Variants in TBL1X observed in about 807,000 individuals in gnomAD.
TBL1X encodes the protein F-box-like/WD repeat-containing protein TBL1X.
In TBL1X, 10 loss-of-function variants were observed where a neutral mutation model predicts 50.7. That is an observed-to-expected ratio of 0.20 (90% CI 0.12 to 0.33). TBL1X has a LOEUF of 0.33. TBL1X is among the 10% of genes least tolerant of loss of function. TBL1X has a pLI of 1.00. For synonymous variants in TBL1X, 190 were observed against 214.7 expected (o/e 0.88, Z 1.01); for missense variants, 340 against 504.4 (o/e 0.67, Z 3.12).
chrX:9,555,631 A>G (rs760242197), intron 2 of TBL1X, among the ~76,000 whole-genome samples: 19 of 111,627 alleles, frequency 1.7e-4, no homozygotes, highest in East Asian at 8.5e-4. Context: ...GCTGCTTTCT[A>G]TAGTGGCTGC....
At chrX:9,492,741 G>C (rs1223938496) in intron 1 of TBL1X, among the ~76,000 whole-genome samples, 2 of 110,217 alleles carry the variant, frequency 1.8e-5, no homozygotes, top group Non-Finnish European at 3.8e-5. Context: ...GTATGCCTCT[G>C]TACCAAGACG....
intron 1 of TBL1X, among the ~76,000 whole-genome samples, chrX:9,474,934 C>T (rs1459052449): frequency 3.6e-5 from 4 of 112,355 alleles, no homozygotes; most frequent in East Asian, 5.6e-4. Flanking sequence ...AGTGTAGTGG[C>T]GTGATCTCAG....
chrX:9,674,677 TCAGCCCCCCC>T (rs2082981251), intron 5 of TBL1X, among the ~76,000 whole-genome samples: 1 of 1,903 alleles, frequency 5.3e-4, no homozygotes, highest in Admixed American at 7.7e-3. Flanking sequence ...TCCTCCCGCC[TCAGCCCCCCC>T]CCCCCCCCCC....
intron 5 of TBL1X, among the ~76,000 whole-genome samples, chrX:9,657,043 T>G (rs1450498589): frequency 8.9e-6 from 1 of 112,395 alleles, no homozygotes; most frequent in Non-Finnish European, 1.9e-5. Flanking sequence ...AGAAGATGAT[T>G]CATTCCTCAG....
At chrX:9,653,518 G>A in intron 3 of TBL1X, 27 bp from the exon 4 acceptor site, 4 of 950,121 alleles carry the variant, frequency 4.2e-6, no homozygotes, top group Non-Finnish European at 5.8e-6. Flanking sequence ...GGTGCTCCCT[G>A]CCTTCTGTGT....
chrX:9,639,632 G>T (rs2082764965), intron 2 of TBL1X, among the ~76,000 whole-genome samples: 1 of 112,473 alleles, frequency 8.9e-6, no homozygotes, highest in Non-Finnish European at 1.9e-5. Context: ...AGAAATGTCT[G>T]AAGAGTAAAT....
chrX:9,663,760 CAAAAA>C (rs57927750), intron 5 of TBL1X, among the ~76,000 whole-genome samples: 1 of 39,302 alleles, frequency 2.5e-5, no homozygotes, highest in Middle Eastern at 0.018. Context: ...GATTCTGTCT[CAAAAA>C]AAAAAAAAAA....
At chrX:9,650,615 G>A (rs758965369) in intron 3 of TBL1X, among the ~76,000 whole-genome samples, 2 of 111,576 alleles carry the variant, frequency 1.8e-5, no homozygotes, top group South Asian at 3.7e-4. Flanking sequence ...GATTCATGCC[G>A]GTCCCACTAG....
chrX:9,684,598 T>TAAAAAAAAAAAAAAAAAA (rs3043994), intron 6 of TBL1X, among the ~76,000 whole-genome samples: 1 of 51,269 alleles, frequency 2.0e-5, no homozygotes, highest in Non-Finnish European at 3.1e-5. Flanking sequence ...TCTCTAAAAT[T>TAAAAAAAAAAAAAAAAAA]AAAAAAAAAA....
chrX:9,569,154 GTGTGTGTGGTATGCTA>G (rs2082370271), intron 2 of TBL1X, among the ~76,000 whole-genome samples: 1 of 106,003 alleles, frequency 9.4e-6, no homozygotes, highest in Non-Finnish European at 1.9e-5. Context: ...GCAGTGTGCT[GTGTGTGTGGTATGCTA>G]TGTGTGTTGT....
chrX:9,473,371 C>G (rs747559122), intron 1 of TBL1X, among the ~76,000 whole-genome samples: 1 of 111,921 alleles, frequency 8.9e-6, no homozygotes, highest in Admixed American at 9.5e-5. Flanking sequence ...GATAAAAACT[C>G]AAGAATTCAA....
intron 2 of TBL1X, among the ~76,000 whole-genome samples, chrX:9,543,025 G>A (rs2082223080): frequency 8.9e-6 from 1 of 112,171 alleles, no homozygotes; most frequent in African/African-American, 3.2e-5. Flanking sequence ...CATGTCACCT[G>A]CCCCGGACTC....
intron 2 of TBL1X, among the ~76,000 whole-genome samples, chrX:9,608,636 C>A (rs1410334750): frequency 8.9e-6 from 1 of 112,327 alleles, no homozygotes; most frequent in African/African-American, 3.2e-5. Context: ...TCCCTTGAGG[C>A]AATCTGTCTT....
Position 9,705,052 on chromosome X carries a change from A to G in TBL1X, c.1174A>G (p.Met392Val). Residue 392 changes from methionine to valine, a missense_variant, in exon 13 of 18, where the codon ATG becomes GTG. Transcript: ENST00000645353. ...GACCTTTGCCTCCTGTAGCACAGAC[A>G]TGTGTATCCATGTGTGCAGGCTCGG... ...NTTFASCSTD[M>V]CIHVCRLGCD... 2 of 1,211,965 alleles carry G rather than the reference A, an allele frequency of 1.7e-6. No individual in the cohort carries two copies. Among genetic ancestry groups the G allele is most frequent in the Non-Finnish European group, 2.2e-6 (2 of 895,618 alleles).
At chrX:9,689,720 A>T (rs1240037777) in intron 7 of TBL1X, among the ~76,000 whole-genome samples, 1 of 112,719 alleles carries the variant, frequency 8.9e-6, no homozygotes, top group African/African-American at 3.2e-5. Context: ...GCCTGGAGTT[A>T]CCAGGCCCCC....
intron 5 of TBL1X, among the ~76,000 whole-genome samples, chrX:9,666,975 A>T (rs188931153): frequency 8.9e-6 from 1 of 112,139 alleles, no homozygotes; most frequent in East Asian, 2.8e-4. Context: ...AGTTCAGGGG[A>T]TTTTAAGGAT....
intron 3 of TBL1X, among the ~76,000 whole-genome samples, chrX:9,641,621 T>G (rs1466731669): frequency 1.8e-5 from 2 of 112,669 alleles, no homozygotes; most frequent in Non-Finnish European, 3.7e-5. Flanking sequence ...CATATGCATA[T>G]GTAGGTTGTT....
chrX:9,562,783 C>T (rs759481040), intron 2 of TBL1X, among the ~76,000 whole-genome samples: 2 of 110,830 alleles, frequency 1.8e-5, no homozygotes, highest in South Asian at 7.6e-4. Context: ...CAGTGATTGC[C>T]TTTGGGTTTT....
chrX:9,466,405 T>C (rs941141822), intron 1 of TBL1X, among the ~76,000 whole-genome samples: 2 of 112,624 alleles, frequency 1.8e-5, no homozygotes, highest in Non-Finnish European at 3.8e-5. Context: ...CGGGGCTCGC[T>C]CCCTGCAAGG....
Sources: gnomAD v4.1 joint callset for allele counts (sites outside exome capture counted in the v4.1 genomes callset) on GRCh38, gnomAD v4.1.1 for gene constraint, MANE v1.5 for transcripts, NCBI Gene and HGNC (gene_info 2026-07-23, HGNC 2026-07-21) for gene names.